Variants in DMD observed in about 807,000 individuals in gnomAD.
DMD encodes mutant dystrophin.
DMD carries 63 observed loss-of-function variants against 330.1 expected under a neutral mutation model. The ratio of observed to expected loss-of-function variants is 0.19; its 90% CI spans 0.16 to 0.24. The LOEUF (loss-of-function observed/expected upper bound fraction) is 0.24. Ranked by LOEUF, DMD falls within the 10% of genes least tolerant of loss-of-function variation. The pLI is 1.00. For synonymous variants in DMD, 1,223 were observed against 959.8 expected (o/e 1.27, Z -5.07); for missense variants, 3,344 against 2,684.1 (o/e 1.25, Z -5.43).
chrX:32,222,896 G>A (rs998907525), intron 43 of DMD, among the ~76,000 whole-genome samples: 1 of 111,691 alleles, frequency 9.0e-6, no homozygotes, highest in Non-Finnish European at 1.9e-5. Flanking sequence ...CTATCCCTGA[G>A]TACATTACAT....
intron 76 of DMD, among the ~76,000 whole-genome samples, chrX:31,144,224 T>C (rs185127810): frequency 8.9e-6 from 1 of 111,796 alleles, no homozygotes; most frequent in Admixed American, 9.5e-5. Flanking sequence ...TCCTCAGAAA[T>C]GTTCATCTCC....
intron 34 of DMD, among the ~76,000 whole-genome samples, chrX:32,372,419 C>T (rs943299517): frequency 6.3e-5 from 7 of 111,553 alleles, no homozygotes; most frequent in African/African-American, 2.3e-4. Flanking sequence ...TTGTGCAGTT[C>T]CAGTATTCAA....
intron 44 of DMD, among the ~76,000 whole-genome samples, chrX:32,061,371 G>T: frequency 9.0e-6 from 1 of 111,124 alleles, no homozygotes; most frequent in South Asian, 3.8e-4. Context: ...ATCTCAGCTG[G>T]TAAGAAATTA....
At chrX:31,441,220 C>T (rs780786942) in intron 60 of DMD, among the ~76,000 whole-genome samples, 1 of 111,173 alleles carries the variant, frequency 9.0e-6, no homozygotes, top group Non-Finnish European at 1.9e-5. Flanking sequence ...TTTTTGAGAC[C>T]GAGTCTGGCT....
chrX:33,008,831 T>TATATATACACATAAATGTATACGTAC lies in DMD; in HGVS notation c.93+11307_93+11308insGTACGTATACATTTATGTGTATATAT, dbSNP rs1357712934. 4.3e-3 allele frequency among the ~76,000 whole-genome samples: 382 copies of TATATATACACATAAATGTATACGTAC among 89,472 alleles called. 5 individuals carry two copies. Among genetic ancestry groups the TATATATACACATAAATGTATACGTAC allele is most frequent in the African/African-American group, 0.018 (350 of 19,183 alleles). 77.7% of individuals were successfully genotyped at this position (89,472 alleles called of 115,157 possible). ...ATATATACACATAAATGTATACGTA[T>TATATATACACATAAATGTATACGTAC]ATATATACACATATATGTATACGTG... On this transcript the variant is annotated intron_variant, in intron 2 of 78. Transcript: ENST00000357033.
At chrX:31,924,528 A>G (rs1325224001) in intron 47 of DMD, among the ~76,000 whole-genome samples, 1 of 112,227 alleles carries the variant, frequency 8.9e-6, no homozygotes, top group Admixed American at 9.4e-5. Flanking sequence ...AGCCAACTGT[A>G]TATTGTGGAA....
intron 1 of DMD, among the ~76,000 whole-genome samples, chrX:33,338,422 A>G (rs2054286736): frequency 9.1e-6 from 1 of 109,640 alleles, no homozygotes; most frequent in Non-Finnish European, 1.9e-5. Flanking sequence ...AATCGTACGC[A>G]GGCAAGAAAG....
chrX:32,129,784 T>C (rs937608051), intron 44 of DMD, among the ~76,000 whole-genome samples: 1 of 108,494 alleles, frequency 9.2e-6, no homozygotes, highest in Non-Finnish European at 1.9e-5. Flanking sequence ...GAAAACATTA[T>C]GTCCAAGATT....
rs185038737 is a variant in DMD at position 32,353,683 on chromosome X, T to A, written c.5326-5155A>T. Among the ~76,000 whole-genome samples the A allele has an allele frequency of 4.5e-4, 50 of 111,383 alleles. No individual in the cohort carries two copies. In the Admixed American group the frequency reaches 4.6e-3, roughly 10 times the overall value. On this transcript the variant is annotated intron_variant, in intron 37 of 78. Coordinates refer to ENST00000357033, the MANE Select transcript of DMD (RefSeq NM_004006.3). ...TACCAAGCATAGGTTTTGGACACTT[T>A]TAATTTTTTACTTACCTTTTCATTT...
intron 28 of DMD, among the ~76,000 whole-genome samples, chrX:32,438,959 G>A (rs1180967424): frequency 1.8e-5 from 2 of 111,349 alleles, no homozygotes; most frequent in Non-Finnish European, 3.8e-5. Flanking sequence ...TTTTCGTGGT[G>A]AGAAAAGATC....
chrX:33,293,171 C>T (rs777081002), intron 1 of DMD, among the ~76,000 whole-genome samples: 1 of 111,120 alleles, frequency 9.0e-6, no homozygotes, highest in South Asian at 3.8e-4. Context: ...GAAAACCAGG[C>T]GATGTCTCTT....
At chrX:31,172,479 C>T (rs1340882835) in intron 72 of DMD, 66 bp from the exon 73 acceptor site, 44 of 808,172 alleles carry the variant, frequency 5.4e-5, no homozygotes, top group Non-Finnish European at 7.8e-5. Flanking sequence ...AAGACCTAAT[C>T]GAACATTCCT....
intron 2 of DMD, among the ~76,000 whole-genome samples, chrX:32,928,843 A>T (rs1758281127): frequency 8.9e-6 from 1 of 112,424 alleles, no homozygotes; most frequent in Middle Eastern, 4.7e-3. Flanking sequence ...GCAGTACTAC[A>T]AACAAATATA....
At chrX:31,918,102 G>A (rs1401493573) in intron 47 of DMD, among the ~76,000 whole-genome samples, 3 of 112,729 alleles carry the variant, frequency 2.7e-5, no homozygotes, top group African/African-American at 6.4e-5. Flanking sequence ...TCTGCTCTAC[G>A]TGATGGCACG....
intron 63 of DMD, among the ~76,000 whole-genome samples, chrX:31,235,685 A>AT (rs1372301989): frequency 8.9e-6 from 1 of 112,483 alleles, no homozygotes; most frequent in East Asian, 2.8e-4. Context: ...TTCAAATAAT[A>AT]TAATTTTCCA....
intron 41 of DMD, among the ~76,000 whole-genome samples, chrX:32,315,868 T>A (rs1279133637): frequency 2.7e-5 from 3 of 112,339 alleles, no homozygotes; most frequent in African/African-American, 9.7e-5. Context: ...CCAATTTTTC[T>A]GGTAATCATC....
chrX:33,042,950 C>T (rs747552925), intron 1 of DMD, among the ~76,000 whole-genome samples: 5 of 111,762 alleles, frequency 4.5e-5, no homozygotes, highest in South Asian at 7.5e-4. Flanking sequence ...ACAGCACACA[C>T]GAATGCATGG....
chrX:31,806,464 A>AT (rs1166161191), intron 50 of DMD, among the ~76,000 whole-genome samples: 1 of 112,464 alleles, frequency 8.9e-6, no homozygotes, highest in African/African-American at 3.2e-5. Context: ...CAATTTTATT[A>AT]TTTTTTGATC....
intron 55 of DMD, among the ~76,000 whole-genome samples, chrX:31,538,075 G>A (rs762849206): frequency 6.3e-5 from 7 of 111,743 alleles, no homozygotes; most frequent in Non-Finnish European, 7.5e-5. Flanking sequence ...CCGTTGTCGC[G>A]TCTAGCCCGC....
Sources: gnomAD v4.1 joint callset for allele counts (sites outside exome capture counted in the v4.1 genomes callset) on GRCh38, gnomAD v4.1.1 for gene constraint, MANE v1.5 for transcripts, NCBI Gene and HGNC (gene_info 2026-07-23, HGNC 2026-07-21) for gene names.